SLC17A1: variants seen among roughly 807,000 people sequenced by gnomAD.
SLC17A1 encodes sodium-dependent phosphate transport protein 1.
In SLC17A1, 51 loss-of-function variants were observed where a neutral mutation model predicts 53.5. That is an observed-to-expected ratio of 0.95 (90% CI 0.76 to 1.20). SLC17A1 has a LOEUF of 1.20. SLC17A1 is among the 50% of genes most tolerant of loss of function. The pLI is 0.00. For synonymous variants in SLC17A1, 179 were observed against 198.8 expected (o/e 0.90, Z 0.84); for missense variants, 538 against 568.2 (o/e 0.95, Z 0.54).
At chr6:25,818,954 A>G (rs920784184) in intron 6 of SLC17A1, 114 bp downstream of exon 6, 7 of 663,512 alleles carry the variant, frequency 1.1e-5, no homozygotes, top group Middle Eastern at 4.3e-4. Flanking sequence ...CACTCAGTGG[A>G]GTTCATGATT....
At chr6:25,737,585 C>A in the SLC17A1 span, among the ~76,000 whole-genome samples, 49 of 151,978 alleles carry the variant, frequency 3.2e-4, no homozygotes, top group Non-Finnish European at 1.5e-5. Flanking sequence ...TTTATCTGGG[C>A]AGCAGGCAAA....
intron 2 of SLC17A1, 50 bp downstream of exon 2, chr6:25,830,474 A>G (rs1260714276): frequency 3.0e-6 from 4 of 1,312,110 alleles, no homozygotes; most frequent in Non-Finnish European, 4.4e-6. Context: ...TCTGTGATGT[A>G]ATATTTAAGA....
the SLC17A1 span, among the ~76,000 whole-genome samples, chr6:25,758,880 G>A: frequency 6.6e-6 from 1 of 152,082 alleles, no homozygotes; most frequent in African/African-American, 2.4e-5. Context: ...TCCTTGAGGT[G>A]TAAACTTAGA....
At chr6:25,738,968 C>T in the SLC17A1 span, among the ~76,000 whole-genome samples, 1 of 152,136 alleles carries the variant, frequency 6.6e-6, no homozygotes, top group African/African-American at 2.4e-5. Flanking sequence ...CCTTGGGAAA[C>T]ATTTTGCAGT....
chr6:25,813,021 C>T, intron 7 of SLC17A1, 29 bp from the exon 8 acceptor site: 1 of 1,613,396 alleles, frequency 6.2e-7, no homozygotes, highest in South Asian at 1.1e-5. Context: ...AGAATTAGCA[C>T]ATTAGAACAA....
chr6:25,819,910 A>G lies in SLC17A1; in HGVS notation c.213T>C (p.Pro71=), dbSNP rs1375897705. ...TKKLLDNIKN[P]MYNWSPDIQG... ...GGATATCTGGGCTCCAATTATACAT[A>G]GGGTTCTAAAAGACAAGGGGGGACA... is the stretch of plus-strand genomic sequence containing the variant. Residue 71 remains proline (P), a synonymous_variant, in exon 4 of 13, where the codon CCT becomes CCC. Transcript: ENST00000244527. The G allele has an allele frequency of 6.2e-7, 1 of 1,602,500 alleles. No individual in the cohort carries two copies. Among genetic ancestry groups the G allele is most frequent in the Non-Finnish European group, 8.5e-7 (1 of 1,172,616 alleles).
rs766235950 is a variant in SLC17A1, at chr6:25,819,807, A to G, written c.316T>C (p.Ser106Pro). The G allele has an allele frequency of 1.2e-6, 2 of 1,614,158 alleles. No homozygotes were observed. Among genetic ancestry groups the G allele is most frequent in the South Asian group, 2.2e-5 (2 of 91,082 alleles). Residue 106 changes from serine to proline, a missense_variant, in exon 4 of 13, where the codon TCT becomes CCT. Transcript: ENST00000244527. ...GCAAAGCCAATCATTTTCTTTGTAG[A>G]ATATATTCCAGAGAAGTATCCAACA... ...VPVGYFSGIYSTKKMIGFALC... is the reference protein window; with the variant it reads ...VPVGYFSGIYPTKKMIGFALC...
chr6:25,736,129 T>C, the SLC17A1 span, among the ~76,000 whole-genome samples: 1 of 150,288 alleles, frequency 6.7e-6, no homozygotes, highest in Non-Finnish European at 1.5e-5. Flanking sequence ...GGTGGGGTGG[T>C]AGGGGGAATG....
chr6:25,726,505 C>T, the SLC17A1 span: 5 of 1,610,860 alleles, frequency 3.1e-6, no homozygotes, highest in South Asian at 3.3e-5. Context: ...TGCTTTTCCT[C>T]CCTGCTTCCC....
intron 8 of SLC17A1, 83 bp from the exon 9 acceptor site, chr6:25,811,853 A>G (rs1764170743): frequency 5.7e-6 from 8 of 1,411,326 alleles, no homozygotes; most frequent in Non-Finnish European, 7.9e-6. Context: ...GCTAAAATTT[A>G]TTATCTAAAA....
the SLC17A1 span, among the ~76,000 whole-genome samples, chr6:25,733,060 C>G: frequency 6.6e-6 from 1 of 152,146 alleles, no homozygotes; most frequent in Non-Finnish European, 1.5e-5. Context: ...GTATCCGAAG[C>G]AGTTTCCTTT....
the SLC17A1 span, among the ~76,000 whole-genome samples, chr6:25,728,953 G>T: frequency 6.6e-6 from 1 of 152,214 alleles, no homozygotes. Context: ...GTGACAAATT[G>T]GGGGGAAGGG....
At chr6:25,752,499 C>CTA in the SLC17A1 span, among the ~76,000 whole-genome samples, 1 of 152,158 alleles carries the variant, frequency 6.6e-6, no homozygotes, top group African/African-American at 2.4e-5. Flanking sequence ...AAACACTGTG[C>CTA]ACTTAAGCTA....
intron 12 of SLC17A1, among the ~76,000 whole-genome samples, chr6:25,787,129 C>T (rs1763399992): frequency 1.3e-5 from 2 of 151,952 alleles, no homozygotes; most frequent in South Asian, 2.1e-4. Context: ...TCTTTCTTCA[C>T]TGAGCAGGTT....
chr6:25,727,016 G>A, the SLC17A1 span: 64 of 1,614,078 alleles, frequency 4.0e-5, 1 homozygote, highest in Middle Eastern at 2.1e-3. Context: ...GGACCCGTAA[G>A]GAGAGTTATT....
intron 3 of SLC17A1, among the ~76,000 whole-genome samples, chr6:25,823,323 A>T (rs1175095736): frequency 6.6e-6 from 1 of 152,126 alleles, no homozygotes; most frequent in African/African-American, 2.4e-5. Flanking sequence ...ATTTCTCTTC[A>T]GTAAATAACT....
chr6:25,741,822 C>G, the SLC17A1 span, among the ~76,000 whole-genome samples: 107 of 152,088 alleles, frequency 7.0e-4, no homozygotes, highest in African/African-American at 2.6e-3. Flanking sequence ...ATCCTTTGAA[C>G]TTGGGAGGCA....
chr6:25,745,748 G>T, the SLC17A1 span, among the ~76,000 whole-genome samples: 3 of 152,188 alleles, frequency 2.0e-5, no homozygotes, highest in African/African-American at 7.2e-5. Flanking sequence ...CCTCTTTCTA[G>T]AAGGAACTAA....
chr6:25,763,303 A>T, the SLC17A1 span, among the ~76,000 whole-genome samples: 1 of 151,930 alleles, frequency 6.6e-6, no homozygotes, highest in African/African-American at 2.4e-5. Context: ...TGCTACTAAC[A>T]CTCATCCTGT....
Sources: allele counts gnomAD v4.1 joint callset (sites outside exome capture counted in the v4.1 genomes callset), GRCh38; gene constraint gnomAD v4.1.1; transcripts MANE v1.5; gene names NCBI Gene and HGNC (gene_info 2026-07-23, HGNC 2026-07-21).